Variants in LRIG1 observed in about 807,000 individuals in gnomAD.
LRIG1 encodes leucine-rich repeats and immunoglobulin-like domains protein 1.
A neutral mutation model predicts 99.2 loss-of-function variants in LRIG1; 48 were observed. The observed-to-expected ratio is 0.48, with a 90% CI of 0.38 to 0.62. The LOEUF (loss-of-function observed/expected upper bound fraction) is 0.62. Ranked by LOEUF, LRIG1 falls within the 20% of genes least tolerant of loss-of-function variation. The pLI is 0.00. For synonymous variants in LRIG1, 772 were observed against 596.1 expected (o/e 1.29, Z -4.30); for missense variants, 1,646 against 1,434.4 (o/e 1.15, Z -2.38).
At chr3:66,420,682 T>C (rs920710043) in intron 3 of LRIG1, among the ~76,000 whole-genome samples, 2 of 152,222 alleles carry the variant, frequency 1.3e-5, no homozygotes, top group African/African-American at 4.8e-5. Flanking sequence ...GAAAGATGCC[T>C]GTCACAAAAA....
chr3:66,474,133 C>T (rs1454199456), intron 1 of LRIG1, among the ~76,000 whole-genome samples: 3 of 152,134 alleles, frequency 2.0e-5, no homozygotes, highest in African/African-American at 7.2e-5. Context: ...GCTATTAAAA[C>T]ATGGAACTTC....
At chr3:66,401,899 A>C (rs1702070019) in intron 9 of LRIG1, among the ~76,000 whole-genome samples, 1 of 152,256 alleles carries the variant, frequency 6.6e-6, no homozygotes, top group South Asian at 2.1e-4. Context: ...TGCCAAATCA[A>C]GTGGCAGGTA....
Position 66,417,233 on chromosome 3 carries a change from G to T in LRIG1, c.399C>A (p.Ser133Arg), listed in dbSNP as rs1702642093. The change falls in exon 4 of 19, where the codon AGC (serine) becomes AGA (arginine). Residue 133 changes from serine (S) to arginine (R), a missense_variant. Ser to Arg is a moderately radical substitution (Grantham distance 110, BLOSUM62 -1). Coordinates refer to ENST00000273261, the MANE Select transcript of LRIG1 (RefSeq NM_015541.3). ...CTAAGGAAAGGTAGGCCTTCAGCTG[G>T]CTCCCCTCCACGCTGCGAATCTTGT... Reference protein sequence around the residue: ...QHNKIRSVEGSQLKAYLSLEV... With the variant: ...QHNKIRSVEGRQLKAYLSLEV... 6.2e-7 allele frequency: 1 copy of T among 1,613,992 alleles called. No individual in the cohort carries two copies. Among genetic ancestry groups the T allele is most frequent in the Non-Finnish European group, 8.5e-7 (1 of 1,180,018 alleles).
rs969938476 is a variant in LRIG1 at position 66,379,129 on chromosome 3, C to CTATT, written c.*1130_*1133dup. The CTATT allele has an allele frequency of 3.9e-4, 60 of 152,410 alleles. No individual in the cohort carries two copies. The highest frequency in any genetic ancestry group is 1.4e-3 in the African/African-American group (59 of 41,292). The allele number at this position is 152,410 out of a possible 1,614,324, so 9.4% of individuals were successfully genotyped here. A position where few individuals can be genotyped will look rare whatever the true frequency, so the allele number is the denominator to read the frequency against. On this transcript the variant is annotated 3_prime_UTR_variant, in exon 19 of 19. Coordinates refer to ENST00000273261, the MANE Select transcript of LRIG1 (RefSeq NM_015541.3). Reference sequence around the variant, plus strand: ...AAGGAACATTTGAAGGACCTTGTTTCTATTTAAGTTTTACTAAATGACACA... The same window carrying CTATT: ...AAGGAACATTTGAAGGACCTTGTTTCTATTTATTTAAGTTTTACTAAATGACACA...
At chr3:66,421,811 G>C (rs552364166) in intron 3 of LRIG1, among the ~76,000 whole-genome samples, 155 of 152,344 alleles carry the variant, frequency 1.0e-3, no homozygotes, top group African/African-American at 3.6e-3. Flanking sequence ...CCCTAGCAGA[G>C]GTTCTTCATG....
At chr3:66,450,168 T>C (rs1483085847) in intron 3 of LRIG1, among the ~76,000 whole-genome samples, 1 of 152,080 alleles carries the variant, frequency 6.6e-6, no homozygotes, top group Admixed American at 6.5e-5. Context: ...CCTTTACCCA[T>C]CAAGGGAACA....
At chr3:66,488,763 A>G (rs1432316032) in intron 1 of LRIG1, among the ~76,000 whole-genome samples, 1 of 152,236 alleles carries the variant, frequency 6.6e-6, no homozygotes, top group African/African-American at 2.4e-5. Context: ...CAGGCAGTGC[A>G]GTGAGTAGCT....
In LRIG1 at chr3:66,500,481, CCG is replaced by C; in HGVS notation, c.-76_-75del. On this transcript the variant is annotated 5_prime_UTR_variant, in exon 1 of 19. Coordinates refer to ENST00000273261, the MANE Select transcript of LRIG1 (RefSeq NM_015541.3). ...CGAACGGCCGCAGACGCGGGCGGGC[CCG>C]CGGGGCGCTCCGCTCGGCTCTAGAC... 1.2e-6 allele frequency: 1 copy of C among 857,738 alleles called. No individual in the cohort carries two copies. The highest frequency in any genetic ancestry group is 3.0e-5 in the South Asian group (1 of 33,762). 53.1% of individuals were successfully genotyped at this position (857,738 alleles called of 1,614,324 possible).
intron 15 of LRIG1, 42 bp downstream of exon 15, chr3:66,382,940 T>C (rs1701167727): frequency 6.4e-7 from 1 of 1,551,768 alleles, no homozygotes; most frequent in Non-Finnish European, 8.7e-7. Flanking sequence ...ATCACTGCCA[T>C]TCCTCCCTCC....
At chr3:66,388,546 C>A (rs748325987) in intron 12 of LRIG1, among the ~76,000 whole-genome samples, 2 of 152,034 alleles carry the variant, frequency 1.3e-5, no homozygotes, top group Non-Finnish European at 2.9e-5. Context: ...AAGATCCAAA[C>A]GCAGATTCAT....
Position 66,456,859 on chromosome 3 carries a change from T to G in LRIG1, c.291-5226A>C, listed in dbSNP as rs138033934. 5.1e-3 allele frequency among the ~76,000 whole-genome samples: 781 copies of G among 152,294 alleles called. 4 individuals are homozygous for G. Among genetic ancestry groups the G allele is most frequent in the South Asian group, 8.5e-3 (41 of 4,824 alleles). ...CGGGCCAGGCGGCAGTACTGTGATC[T>G]GAAGGCAGTATCTACAGAGGACTGT... On this transcript the variant is annotated intron_variant, in intron 2 of 18. Coordinates refer to ENST00000273261, the MANE Select transcript of LRIG1 (RefSeq NM_015541.3).
chr3:66,384,040 A>G lies in LRIG1; in HGVS notation c.2022T>C (p.Ala674=), dbSNP rs1472831407. The part of the protein sequence containing the change: ...IDDAGVYSCT[A]QNSAGSISAN... ...CTGAAATAGAACCGGCTGAGTTCTGAGCAGTACAGCTGTAAACCCCTGCGT... is the reference window on the plus strand; with the variant it reads ...CTGAAATAGAACCGGCTGAGTTCTGGGCAGTACAGCTGTAAACCCCTGCGT... The change falls in exon 14 of 19, where the codon GCT becomes GCC. Residue 674 remains alanine (A), a synonymous_variant. Transcript: ENST00000273261. 1.2e-6 allele frequency: 2 copies of G among 1,614,034 alleles called. No individual in the cohort carries two copies. Among genetic ancestry groups the G allele is most frequent in the South Asian group, 2.2e-5 (2 of 91,068 alleles).
chr3:66,489,840 T>C (rs1452881656), intron 1 of LRIG1, among the ~76,000 whole-genome samples: 1 of 152,112 alleles, frequency 6.6e-6, no homozygotes, highest in Non-Finnish European at 1.5e-5. Flanking sequence ...ATCCTCACTT[T>C]CATGACTTTA....
In LRIG1 at chr3:66,386,304, G is replaced by A. The variant is rs774529980; in HGVS notation, c.1469-3C>T. 8 of 1,612,354 alleles carry A rather than the reference G, an allele frequency of 5.0e-6. No individual in the cohort carries two copies. The South Asian group carries it at 5.5e-5, about 11-fold the overall frequency. ...GATCTGTGGCTTCAGGAAGTCATCT[G>A]GGGAGAGAAGGGTCAACTGTAAAGC... On this transcript the variant is annotated splice_polypyrimidine_tract_variant and splice_region_variant and intron_variant, in intron 12 of 18. Transcript: ENST00000273261.
intron 3 of LRIG1, among the ~76,000 whole-genome samples, chr3:66,426,875 C>G (rs1703000401): frequency 6.6e-6 from 1 of 152,200 alleles, no homozygotes. Flanking sequence ...CAGACAATTA[C>G]AGTGATTCAC....
intron 7 of LRIG1, among the ~76,000 whole-genome samples, chr3:66,409,383 CCAGGGCCACTGCCCATCGCTACCCA>C (rs1456584540): frequency 2.0e-5 from 3 of 152,152 alleles, no homozygotes; most frequent in African/African-American, 7.2e-5. Flanking sequence ...GATGGGGTGG[CCAGGGCCACTGCCCATCGCTACCCA>C]GGCGACAGTC....
Position 66,430,287 on chromosome 3 carries a change from G to T in LRIG1, c.366-13021C>A, listed in dbSNP as rs769080003. Among the ~76,000 whole-genome samples the T allele has an allele frequency of 2.5e-4, 38 of 152,256 alleles. 1 individual carries two copies. Among genetic ancestry groups the T allele is most frequent in the Admixed American group, 2.0e-4 (3 of 15,298 alleles). ...ACGTGGAGTTAACTTTTTTAAAAAA[G>T]GTAGGGAAGCTGACAGACCTATTTA... is the stretch of plus-strand genomic sequence containing the variant. On this transcript the variant is annotated intron_variant, in intron 3 of 18. Coordinates refer to ENST00000273261, the MANE Select transcript of LRIG1 (RefSeq NM_015541.3).
chr3:66,461,052 T>C (rs570933944), intron 2 of LRIG1, among the ~76,000 whole-genome samples: 1 of 152,204 alleles, frequency 6.6e-6, no homozygotes, highest in Non-Finnish European at 1.5e-5. Flanking sequence ...GGCTCACACC[T>C]ATAACCCCAG....
intron 3 of LRIG1, among the ~76,000 whole-genome samples, chr3:66,449,544 G>A (rs1242792822): frequency 1.3e-5 from 2 of 152,226 alleles, no homozygotes; most frequent in African/African-American, 4.8e-5. Flanking sequence ...GAACAGAAAT[G>A]TATTTTTAGT....
Sources: allele counts gnomAD v4.1 joint callset (sites outside exome capture counted in the v4.1 genomes callset), GRCh38; gene constraint gnomAD v4.1.1; transcripts MANE v1.5; gene names NCBI Gene and HGNC (gene_info 2026-07-23, HGNC 2026-07-21).